TMEM255A: variants seen among roughly 807,000 people sequenced by gnomAD.
The protein encoded by TMEM255A is family with sequence similarity 70, member A.
Under a neutral mutation model 23.5 loss-of-function variants are expected in TMEM255A, and 14 were observed. The observed-to-expected ratio is 0.60, with a 90% confidence interval of 0.39 to 0.93. The LOEUF is 0.93. TMEM255A is among the 40% of genes least tolerant of loss of function. The pLI, the probability that TMEM255A is intolerant of heterozygous loss-of-function variation, is 0.00. For missense variants in TMEM255A, 233 were observed against 261.7 expected (o/e 0.89, Z 0.76); for synonymous variants, 104 against 100.3 (o/e 1.04, Z -0.22).
chrX:120,263,804 T>A, intron 8 of TMEM255A, among the ~76,000 whole-genome samples: 1 of 86,520 alleles, frequency 1.2e-5, no homozygotes, highest in African/African-American at 4.5e-5. Flanking sequence ...GACAGCGGGG[T>A]GGCGGGCGGG....
Position 120,259,868 on chromosome X carries a change from A to T in TMEM255A, c.*1002T>A, listed in dbSNP as rs2057665026. On this transcript the variant is annotated 3_prime_UTR_variant, in exon 9 of 9. Coordinates refer to ENST00000371369, the MANE Select transcript of TMEM255A (RefSeq NM_001104544.3). ...TTTCATAATCTTGAATGCTGTCATG[A>T]CTGGTCTCAACAGACAAAAGGACCG... 1 of 111,958 alleles carries T rather than the reference A, an allele frequency of 8.9e-6. No homozygotes were observed. Among genetic ancestry groups the T allele is most frequent in the African/African-American group, 3.3e-5 (1 of 30,566 alleles). The allele number at this position is 111,958 out of a possible 1,213,427, so 9.2% of individuals were successfully genotyped here. A position where few individuals can be genotyped will look rare whatever the true frequency, so the allele number is the denominator to read the frequency against.
At chrX:120,308,815 A>G (rs1416863378) in intron 1 of TMEM255A, among the ~76,000 whole-genome samples, 2 of 112,243 alleles carry the variant, frequency 1.8e-5, no homozygotes, top group Non-Finnish European at 1.9e-5. Flanking sequence ...CATCTTCTTA[A>G]TTGCAAAGCG....
chrX:120,306,742 A>T (rs1005467101), intron 1 of TMEM255A, among the ~76,000 whole-genome samples: 2 of 112,244 alleles, frequency 1.8e-5, no homozygotes, highest in African/African-American at 6.5e-5. Flanking sequence ...CTTCCCCACC[A>T]GCTGGCCTTT....
the TMEM255A span, chrX:120,253,382 C>T: frequency 1.8e-6 from 2 of 1,140,407 alleles, no homozygotes; most frequent in Non-Finnish European, 2.4e-6. Flanking sequence ...CTCTCTAATC[C>T]TCTCCCATCC....
intron 3 of TMEM255A, among the ~76,000 whole-genome samples, chrX:120,292,034 G>A (rs2057919207): frequency 9.0e-6 from 1 of 111,057 alleles, no homozygotes; most frequent in African/African-American, 3.3e-5. Flanking sequence ...TTTAGAGACA[G>A]GTCTCCTATG....
Position 120,260,801 on chromosome X carries a change from C to T in TMEM255A, c.*69G>A. 1 of 1,167,720 alleles carries T rather than the reference C, an allele frequency of 8.6e-7. No homozygotes were observed. Among genetic ancestry groups the T allele is most frequent in the African/African-American group, 1.8e-5 (1 of 55,708 alleles). ...AAGAGTCACACTTTAAATTTTGTAC[C>T]CTACACACTTCCACTGAAGCAGAAA... On this transcript the variant is annotated 3_prime_UTR_variant, in exon 9 of 9. Transcript: ENST00000371369.
In TMEM255A at chrX:120,291,127, C is replaced by T. The variant is rs1375577657; in HGVS notation, c.354+124G>A. On this transcript the variant is annotated intron_variant, in intron 4 of 8. Transcript: ENST00000371369. ...ACTGCCAACTCCTTGAGAAAAGGGACTGTGTCTTCTCCCTCTCATGTAACC... is the reference window on the plus strand; with the variant it reads ...ACTGCCAACTCCTTGAGAAAAGGGATTGTGTCTTCTCCCTCTCATGTAACC... 5.4e-6 allele frequency: 3 copies of T among 556,140 alleles called. No homozygotes were observed. The African/African-American group carries it at 7.0e-5, about 13-fold the overall frequency. 45.8% of individuals were successfully genotyped at this position (556,140 alleles called of 1,213,427 possible).
intron 2 of TMEM255A, among the ~76,000 whole-genome samples, chrX:120,300,062 T>A (rs1253671816): frequency 1.8e-5 from 2 of 112,023 alleles, no homozygotes; most frequent in Non-Finnish European, 1.9e-5. Context: ...AGTATCAATA[T>A]AGCAGCTGAG....
chrX:120,260,727 C>T lies in TMEM255A; in HGVS notation c.*143G>A, dbSNP rs1300112542. ...CTCTGCACTAATAATGAATAAGCTT[C>T]GTCCCTATCTTTCCCTAGCCTGGCA... On this transcript the variant is annotated 3_prime_UTR_variant, in exon 9 of 9. Transcript: ENST00000371369. The T allele has an allele frequency of 1.2e-5, 10 of 819,506 alleles. No individual in the cohort carries two copies. Among genetic ancestry groups the T allele is most frequent in the African/African-American group, 8.5e-5 (4 of 47,115 alleles). The allele number at this position is 819,506 out of a possible 1,213,427, so 67.5% of individuals were successfully genotyped here. A position where few individuals can be genotyped will look rare whatever the true frequency, so the allele number is the denominator to read the frequency against.
intron 4 of TMEM255A, among the ~76,000 whole-genome samples, chrX:120,287,490 G>C (rs1262183691): frequency 1.8e-5 from 2 of 111,591 alleles, no homozygotes; most frequent in Non-Finnish European, 3.8e-5. Context: ...TGGGCTTCTT[G>C]AAATTTCCTC....
chrX:120,301,798 A>G (rs1418422296), intron 2 of TMEM255A, among the ~76,000 whole-genome samples: 1 of 111,472 alleles, frequency 9.0e-6, no homozygotes, highest in Non-Finnish European at 1.9e-5. Flanking sequence ...TGGAGTTTCT[A>G]TAGTAACTCC....
intron 2 of TMEM255A, among the ~76,000 whole-genome samples, chrX:120,296,644 TAATATA>T (rs2057960120): frequency 1.5e-5 from 1 of 67,751 alleles, no homozygotes; most frequent in African/African-American, 6.1e-5. Flanking sequence ...TATTATATTA[TAATATA>T]ATATATATTA....
chrX:120,285,033 C>T, intron 6 of TMEM255A, 94 bp downstream of exon 6: 1 of 788,886 alleles, frequency 1.3e-6, no homozygotes, highest in Non-Finnish European at 1.9e-6. Context: ...CTTCCACTTC[C>T]CTAATTCCCA....
intron 4 of TMEM255A, among the ~76,000 whole-genome samples, chrX:120,288,645 TG>T (rs1394605557): frequency 8.9e-6 from 1 of 111,945 alleles, no homozygotes; most frequent in Non-Finnish European, 1.9e-5. Flanking sequence ...ACAAGGCAAT[TG>T]GGAGGCAAGA....
intron 4 of TMEM255A, among the ~76,000 whole-genome samples, chrX:120,288,297 T>C (rs2057890967): frequency 1.8e-5 from 2 of 111,884 alleles, no homozygotes; most frequent in Admixed American, 1.9e-4. Flanking sequence ...TTCCATCAGC[T>C]AGCTACTTCT....
At chrX:120,266,153 CAAA>C (rs782105722) in intron 8 of TMEM255A, among the ~76,000 whole-genome samples, 6 of 75,306 alleles carry the variant, frequency 8.0e-5, no homozygotes, top group Admixed American at 3.1e-4. Flanking sequence ...GACTCTGTCT[CAAA>C]AAAAAAAAAA....
At chrX:120,292,341 C>A (rs1297190780) in intron 3 of TMEM255A, among the ~76,000 whole-genome samples, 1 of 111,555 alleles carries the variant, frequency 9.0e-6, no homozygotes, top group Non-Finnish European at 1.9e-5. Flanking sequence ...CTGAGCTGAC[C>A]GCCTGCCTGT....
At chrX:120,254,983 C>T, downstream of TMEM255A, 4 of 1,211,669 alleles carry the variant, frequency 3.3e-6, no homozygotes, top group Admixed American at 2.2e-5. Flanking sequence ...AAGAAGTATC[C>T]GTGCCGTTAC....
rs58027054 is a variant in TMEM255A, at chrX:120,280,418, ATT to A, written c.513-3373_513-3372del. Reference sequence around the variant, plus strand: ...TTTGAGTGGTTCCAGCAGCCATTTAATTTTTTTTTTTCACTGAACCATGAAGG... The same window carrying A: ...TTTGAGTGGTTCCAGCAGCCATTTAATTTTTTTTTCACTGAACCATGAAGG... On this transcript the variant is annotated intron_variant, in intron 6 of 8. Coordinates refer to ENST00000371369, the MANE Select transcript of TMEM255A (RefSeq NM_001104544.3). 2.7e-4 allele frequency among the ~76,000 whole-genome samples: 29 copies of A among 105,817 alleles called. No homozygotes were observed. The East Asian group carries it at 4.5e-3, about 16-fold the overall frequency. The allele number at this position is 105,817 out of a possible 115,157, so 91.9% of individuals were successfully genotyped here.
Sources: gnomAD v4.1 joint callset for allele counts (sites outside exome capture counted in the v4.1 genomes callset) on GRCh38, gnomAD v4.1.1 for gene constraint, MANE v1.5 for transcripts, NCBI Gene and HGNC (gene_info 2026-07-23, HGNC 2026-07-21) for gene names.